The following ZNF597 variants were observed in gnomAD, a reference collection of about 807,000 sequenced individuals.
ZNF597 encodes zinc finger protein 597.
Under a neutral mutation model 7.3 loss-of-function variants are expected in ZNF597, and 5 were observed. The ratio of observed to expected loss-of-function variants is 0.68; its 90% CI spans 0.36 to 1.44. The LOEUF (loss-of-function observed/expected upper bound fraction) is 1.44. Among genes scored for constraint, ZNF597 ranks in the 40% most tolerant of loss-of-function variants. ZNF597 has a pLI of 0.04. For missense variants in ZNF597, 585 were observed against 517.9 expected (o/e 1.13, Z -1.26); for synonymous variants, 209 against 185.4 (o/e 1.13, Z -1.04).
rs895645021 is a variant in ZNF597 at position 3,434,251 on chromosome 16, G to A, written c.*2173C>T. 4 of 152,134 alleles carry A rather than the reference G, an allele frequency of 2.6e-5. No homozygotes were observed. Among genetic ancestry groups the A allele is most frequent in the Admixed American group, 1.3e-4 (2 of 15,264 alleles). The allele number at this position is 152,134 out of a possible 1,614,324, so 9.4% of individuals were successfully genotyped here. A position where few individuals can be genotyped will look rare whatever the true frequency, so the allele number is the denominator to read the frequency against. The stretch of plus-strand genomic sequence containing the variant: ...CCATCCTGTGACTCATTAGATCTTT[G>A]ACTGAACTCTTAGGGCCCCTGATAT... On this transcript the variant is annotated 3_prime_UTR_variant, in exon 4 of 4. Coordinates refer to ENST00000301744, the MANE Select transcript of ZNF597 (RefSeq NM_152457.3).
rs1045856573 is a variant in ZNF597 at position 3,440,925 on chromosome 16, T to C, written c.42A>G (p.Ile14Met). ...AATACACAGCCAGATCCTCAAAGAG[T>C]ATTGGTCCCTGAAACACAAGAGCCT... ...MPPTPEAQGP[I>M]LFEDLAVYFS... is the part of the protein sequence containing the mutation. Residue 14 changes from isoleucine (I) to methionine (M), a missense_variant, in exon 3 of 4, where the codon ATA (isoleucine) becomes ATG (methionine). By Grantham distance (10) the Ile-to-Met change is conservative. Transcript: ENST00000301744. 6.2e-7 allele frequency: 1 copy of C among 1,612,960 alleles called. No homozygotes were observed. The highest frequency in any genetic ancestry group is 1.1e-5 in the South Asian group (1 of 90,996).
chr16:3,441,391 A>C (rs146171565), intron 2 of ZNF597, among the ~76,000 whole-genome samples: 39 of 152,256 alleles, frequency 2.6e-4, no homozygotes, highest in African/African-American at 9.4e-4. Context: ...CTCTACTAAA[A>C]TTACAAAAAT....
At position 3,443,444 on chromosome 16, in the gene ZNF597, A is replaced by C; in HGVS notation, c.-138T>G. ...CGACCGAGACGCGACGAAGAACGCCACGGCCACTGCAAAACTCCCACGCTC... is the reference window on the plus strand; with the variant it reads ...CGACCGAGACGCGACGAAGAACGCCCCGGCCACTGCAAAACTCCCACGCTC... On this transcript the variant is annotated 5_prime_UTR_variant, in exon 1 of 4. Coordinates refer to ENST00000301744, the MANE Select transcript of ZNF597 (RefSeq NM_152457.3). 1.9e-6 allele frequency: 1 copy of C among 520,196 alleles called. No individual in the cohort carries two copies. Among genetic ancestry groups the C allele is most frequent in the South Asian group, 2.8e-5 (1 of 35,270 alleles). The allele number at this position is 520,196 out of a possible 1,614,324, so 32.2% of individuals were successfully genotyped here. A position where few individuals can be genotyped will look rare whatever the true frequency, so the allele number is the denominator to read the frequency against.
chr16:3,435,789 A>G lies in ZNF597; in HGVS notation c.*635T>C, dbSNP rs1236461035. 6.6e-6 allele frequency: 1 copy of G among 152,206 alleles called. No homozygotes were observed. The highest frequency in any genetic ancestry group is 1.9e-4 in the East Asian group (1 of 5,190). The allele number at this position is 152,206 out of a possible 1,614,324, so 9.4% of individuals were successfully genotyped here. A position where few individuals can be genotyped will look rare whatever the true frequency, so the allele number is the denominator to read the frequency against. ...AGTTAGACTTCCAAAACTCCTTGCA[A>G]ACAATTGGGTCCTAAATGCCAGTAT... On this transcript the variant is annotated 3_prime_UTR_variant, in exon 4 of 4. Coordinates refer to ENST00000301744, the MANE Select transcript of ZNF597 (RefSeq NM_152457.3).
chr16:3,439,474 G>A (rs1161865436), intron 3 of ZNF597, among the ~76,000 whole-genome samples: 1 of 152,050 alleles, frequency 6.6e-6, no homozygotes, highest in Non-Finnish European at 1.5e-5. Flanking sequence ...CACCTAAAAG[G>A]AATAACAGAG....
chr16:3,443,401 G>A lies in ZNF597; in HGVS notation c.-95C>T, dbSNP rs1596270939. On this transcript the variant is annotated 5_prime_UTR_variant, in exon 1 of 4. Transcript: ENST00000301744. ...ACAGGCCTCGCGCTCCCTGACAGGA[G>A]CTGCAGAAAGCGACGCCCGACCGAG... 4 of 537,018 alleles carry A rather than the reference G, an allele frequency of 7.4e-6. No individual in the cohort carries two copies. In the Admixed American group the frequency reaches 1.5e-4, roughly 20 times the overall value. The allele number at this position is 537,018 out of a possible 1,614,324, so 33.3% of individuals were successfully genotyped here.
rs1381806099 is a variant in ZNF597 at position 3,436,243 on chromosome 16, T to G, written c.*181A>C. ...TTCACTAGTTTAGTGACACGGATTT[T>G]GCATCCCTACTTATAAAATGGAAAT... On this transcript the variant is annotated 3_prime_UTR_variant, in exon 4 of 4. Transcript: ENST00000301744. 1 of 639,280 alleles carries G rather than the reference T, an allele frequency of 1.6e-6. No homozygotes were observed. The highest frequency in any genetic ancestry group is 2.6e-6 in the Non-Finnish European group (1 of 379,484). 39.6% of individuals were successfully genotyped at this position (639,280 alleles called of 1,614,324 possible). A position where few individuals can be genotyped will look rare whatever the true frequency, so the allele number is the denominator to read the frequency against.
intron 2 of ZNF597, among the ~76,000 whole-genome samples, chr16:3,442,658 G>C (rs2034402793): frequency 1.4e-5 from 2 of 143,550 alleles, no homozygotes; most frequent in African/African-American, 2.6e-5. Flanking sequence ...CTGGGCGACA[G>C]AGCGAGACTC....
intron 2 of ZNF597, 149 bp from the exon 3 acceptor site, chr16:3,441,082 G>A (rs984830951): frequency 9.8e-7 from 1 of 1,023,868 alleles, no homozygotes; most frequent in African/African-American, 1.6e-5. Flanking sequence ...AGGGCAAATG[G>A]GTTCTAAGGG....
chr16:3,442,788 A>C (rs993891692), intron 2 of ZNF597, among the ~76,000 whole-genome samples: 1 of 152,232 alleles, frequency 6.6e-6, no homozygotes. Context: ...CGGAGCTATG[A>C]TATCAGCACT....
At position 3,438,571 on chromosome 16, in the gene ZNF597, AT is replaced by A. The variant is rs548891195; in HGVS notation, c.161-1034del. On this transcript the variant is annotated intron_variant, in intron 3 of 3. Coordinates refer to ENST00000301744, the MANE Select transcript of ZNF597 (RefSeq NM_152457.3). The stretch of plus-strand genomic sequence containing the variant: ...GAGCAAGACTCTGTCTCAAAAAAAA[AT>A]AATAATAATAATTAAAAAAGAAAAA... Among the ~76,000 whole-genome samples the A allele has an allele frequency of 3.7e-3, 567 of 151,958 alleles. 2 individuals are homozygous for A. The highest frequency in any genetic ancestry group is 0.013 in the African/African-American group (528 of 41,504).
intron 2 of ZNF597, among the ~76,000 whole-genome samples, chr16:3,441,746 G>A (rs1239796375): frequency 2.6e-5 from 4 of 151,668 alleles, no homozygotes; most frequent in African/African-American, 7.3e-5. Context: ...GCAACAGAGC[G>A]ACACTCCATC....
In ZNF597 at chr16:3,437,477, C is replaced by T. The variant is rs547710317; in HGVS notation, c.222G>A (p.Glu74=). ...QLSLESMELD[E]LALEKYPIAA... is the part of the protein sequence containing the mutation. Reference sequence around the variant, plus strand: ...CAATGGGGTACTTTTCTAAGGCAAGCTCGTCAAGTTCCATAGACTCTAGGC... The same window carrying T: ...CAATGGGGTACTTTTCTAAGGCAAGTTCGTCAAGTTCCATAGACTCTAGGC... Residue 74 remains glutamate, a synonymous_variant, in exon 4 of 4, where the codon GAG becomes GAA. Transcript: ENST00000301744. 3.7e-6 allele frequency: 6 copies of T among 1,614,102 alleles called. No individual in the cohort carries two copies. The East Asian group carries it at 1.3e-4, about 36-fold the overall frequency.
At chr16:3,441,065 C>T in intron 2 of ZNF597, 132 bp from the exon 3 acceptor site, 4 of 1,284,928 alleles carry the variant, frequency 3.1e-6, no homozygotes, top group South Asian at 1.5e-5. Context: ...TTCTTGAGCG[C>T]AGAAGTAGGG....
intron 3 of ZNF597, among the ~76,000 whole-genome samples, chr16:3,438,308 C>T (rs57465805): frequency 6.6e-6 from 1 of 151,614 alleles, no homozygotes; most frequent in East Asian, 1.9e-4. Context: ...ACCTGTGATC[C>T]CAGCACTTTG....
rs1596266120 is a variant in ZNF597, at chr16:3,436,271, T to C, written c.*153A>G. 1 of 749,410 alleles carries C rather than the reference T, an allele frequency of 1.3e-6. No individual in the cohort carries two copies. The highest frequency in any genetic ancestry group is 3.9e-4 in the Middle Eastern group (1 of 2,554). 46.4% of individuals were successfully genotyped at this position (749,410 alleles called of 1,614,324 possible). On this transcript the variant is annotated 3_prime_UTR_variant, in exon 4 of 4. Coordinates refer to ENST00000301744, the MANE Select transcript of ZNF597 (RefSeq NM_152457.3). ...ATCCCTACTTATAAAATGGAAATGA[T>C]ACTGCCTAAATCACGGTTGTGCTGA...
chr16:3,440,929 G>T lies in ZNF597; in HGVS notation c.38C>A (p.Pro13Gln). The change falls in exon 3 of 4, where the codon CCA (proline) becomes CAA (glutamine). Residue 13 changes from proline to glutamine, a missense_variant. Transcript: ENST00000301744. ...SMPPTPEAQG[P>Q]ILFEDLAVYF... ...CACAGCCAGATCCTCAAAGAGTATT[G>T]GTCCCTGAAACACAAGAGCCTGTGT... 1.2e-6 allele frequency: 2 copies of T among 1,613,254 alleles called. No homozygotes were observed. The highest frequency in any genetic ancestry group is 2.2e-5 in the South Asian group (2 of 91,004).
At position 3,432,935 on chromosome 16, in the gene ZNF597, T is replaced by TATATAAACAAA. The variant is rs2034269013; in HGVS notation, c.*3488_*3489insTTTGTTTATAT. On this transcript the variant is annotated 3_prime_UTR_variant, in exon 4 of 4. Transcript: ENST00000301744. Reference sequence around the variant, plus strand: ...TAGACTATTCATATAAACTATAACCTGCTATGTCTCCCTTTGTACACATAG... The same window carrying TATATAAACAAA: ...TAGACTATTCATATAAACTATAACCTATATAAACAAAGCTATGTCTCCCTTTGTACACATAG... 6.6e-6 allele frequency: 1 copy of TATATAAACAAA among 152,268 alleles called. No homozygotes were observed. Among genetic ancestry groups the TATATAAACAAA allele is most frequent in the Non-Finnish European group, 1.5e-5 (1 of 68,052 alleles). The allele number at this position is 152,268 out of a possible 1,614,324, so 9.4% of individuals were successfully genotyped here. A position where few individuals can be genotyped will look rare whatever the true frequency, so the allele number is the denominator to read the frequency against.
Position 3,436,753 on chromosome 16 carries a change from T to C in ZNF597, c.946A>G (p.Lys316Glu). ...RQSLYPALSEKSHDEDSERCS... is the reference protein window; with the variant it reads ...RQSLYPALSEESHDEDSERCS... ...CGTTCAGAGTCCTCGTCGTGGCTCT[T>C]CTCGGAAAGGGCAGGATATAAGGAC... is the stretch of plus-strand genomic sequence containing the variant. Residue 316 changes from lysine to glutamate, a missense_variant, in exon 4 of 4, where the codon AAG (lysine) becomes GAG (glutamate). By Grantham distance (56) the Lys-to-Glu change is moderately conservative (BLOSUM62 1). Coordinates refer to ENST00000301744, the MANE Select transcript of ZNF597 (RefSeq NM_152457.3). 3 of 1,613,898 alleles carry C rather than the reference T, an allele frequency of 1.9e-6. No individual in the cohort carries two copies. The highest frequency in any genetic ancestry group is 2.5e-6 in the Non-Finnish European group (3 of 1,180,026).
Sources: allele counts gnomAD v4.1 joint callset (sites outside exome capture counted in the v4.1 genomes callset), GRCh38; gene constraint gnomAD v4.1.1; transcripts MANE v1.5; gene names NCBI Gene and HGNC (gene_info 2026-07-23, HGNC 2026-07-21).